IL31RA: variants seen among roughly 807,000 people sequenced by gnomAD.
IL31RA encodes interleukin-31 receptor subunit alpha.
IL31RA carries 66 observed loss-of-function variants against 83.7 expected under a neutral mutation model. That is an observed-to-expected ratio of 0.79 (90% CI 0.65 to 0.97). The LOEUF (loss-of-function observed/expected upper bound fraction) is 0.97. Among genes scored for constraint, IL31RA ranks in the 50% least tolerant of loss-of-function variants. IL31RA has a pLI of 0.00. For missense variants in IL31RA, 798 were observed against 919.4 expected (o/e 0.87, Z 1.71); for synonymous variants, 325 against 329.0 (o/e 0.99, Z 0.13).
intron 1 of IL31RA, 95 bp downstream of exon 1, chr5:55,851,728 C>A: frequency 6.2e-7 from 1 of 1,610,642 alleles, no homozygotes; most frequent in Non-Finnish European, 8.5e-7. Context: ...ATTTTACCTA[C>A]CTAGTGTCTC....
rs909643187 is a variant in IL31RA, at chr5:55,913,767, T to C, written c.1736+197T>C. Among the ~76,000 whole-genome samples, 14 of 152,224 alleles carry C rather than the reference T, an allele frequency of 9.2e-5. No homozygotes were observed. The East Asian group carries it at 1.5e-3, about 17-fold the overall frequency. ...GAATTCTGACCAAGCAAGAGCACTT[T>C]CGTTTCCCAGAGCTCCATGCCCAGG... On this transcript the variant is annotated intron_variant, in intron 13 of 14. Transcript: ENST00000652347.
intron 2 of IL31RA, among the ~76,000 whole-genome samples, chr5:55,861,596 A>G (rs1745691932): frequency 6.6e-6 from 1 of 152,196 alleles, no homozygotes; most frequent in South Asian, 2.1e-4. Context: ...TGGTGCCAAA[A>G]TGTAGGGGAC....
chr5:55,889,988 A>G lies in IL31RA; in HGVS notation c.625A>G (p.Lys209Glu), dbSNP rs181251264. The change falls in exon 6 of 15, where the codon AAG becomes GAG. Residue 209 changes from lysine to glutamate, a missense_variant. Coordinates refer to ENST00000652347, the MANE Select transcript of IL31RA (RefSeq NM_139017.7). ...STSWMEVNFA[K>E]NRKDKNQTYN... is the part of the protein sequence containing the mutation. ...CTTGTAGATGGAAGTCAACTTCGCT[A>G]AGAACCGTAAGGATAAAAACCAAAC... 21 of 1,614,148 alleles carry G rather than the reference A, an allele frequency of 1.3e-5. No individual in the cohort carries two copies. Among genetic ancestry groups the G allele is most frequent in the African/African-American group, 1.2e-4 (9 of 75,060 alleles).
In IL31RA at chr5:55,903,334, A is replaced by T. The variant is rs566747507; in HGVS notation, c.1070-2772A>T. Among the ~76,000 whole-genome samples the T allele has an allele frequency of 6.6e-6, 1 of 152,320 alleles. No individual in the cohort carries two copies. The highest frequency in any genetic ancestry group is 1.9e-4 in the East Asian group (1 of 5,188). On this transcript the variant is annotated intron_variant, in intron 8 of 14. Transcript: ENST00000652347. This position sits in a 1 kb window ranked among gnomAD's most constrained non-coding sequence, Gnocchi z 4.7. The stretch of plus-strand genomic sequence containing the variant: ...GACTGTCTTCATGCAGATCACAAGA[A>T]ATCAATGGCTTTCACAGTCAAAGCC...
chr5:55,914,842 A>G lies in IL31RA; in HGVS notation c.1737-5A>G, dbSNP rs369082467. 10 of 1,606,220 alleles carry G rather than the reference A, an allele frequency of 6.2e-6. No homozygotes were observed. The highest frequency in any genetic ancestry group is 1.3e-5 in the African/African-American group (1 of 74,808). ...TTCCCATCTTAAAATCTTCTCTCTC[A>G]TTAGCAAATTGACTCATCTGTGTTG... is the stretch of plus-strand genomic sequence containing the variant. On this transcript the variant is annotated splice_region_variant and splice_polypyrimidine_tract_variant and intron_variant, in intron 13 of 14. Coordinates refer to ENST00000652347, the MANE Select transcript of IL31RA (RefSeq NM_139017.7).
At chr5:55,896,488 C>T (rs1318388005) in intron 7 of IL31RA, 59 bp downstream of exon 7, 1 of 947,690 alleles carries the variant, frequency 1.1e-6, no homozygotes. Flanking sequence ...CTTTCCCTCC[C>T]TTCCCTCCCT....
At position 55,887,344 on chromosome 5, in the gene IL31RA, C is replaced by T. The variant is rs147499206; in HGVS notation, c.607-2626C>T. Among the ~76,000 whole-genome samples the T allele has an allele frequency of 2.3e-4, 35 of 152,324 alleles. No homozygotes were observed. The East Asian group carries it at 6.4e-3, about 28-fold the overall frequency. ...TGCCATCCATGTGACCTTACCTCAA[C>T]ACCCTCCAGATTCTTTTGTGGCCCT... On this transcript the variant is annotated intron_variant, in intron 5 of 14. Coordinates refer to ENST00000652347, the MANE Select transcript of IL31RA (RefSeq NM_139017.7).
At chr5:55,856,195 C>T (rs1745354013) in intron 1 of IL31RA, among the ~76,000 whole-genome samples, 2 of 152,196 alleles carry the variant, frequency 1.3e-5, no homozygotes, top group South Asian at 4.1e-4. Context: ...CCACGCCTGG[C>T]CAACATCTTT....
In IL31RA at chr5:55,920,553, GT is replaced by G. The variant is rs1485660531; in HGVS notation, c.*3435del. Among the ~76,000 whole-genome samples the G allele has an allele frequency of 2.0e-5, 3 of 152,366 alleles. No individual in the cohort carries two copies. In the East Asian group the frequency reaches 5.8e-4, roughly 29 times the overall value. The stretch of plus-strand genomic sequence containing the variant: ...GGCGGCTTGCCCCTACAAAGGCAGA[GT>G]TGAGTAGTTTCAACACAGAGTTTTT... On this transcript the variant is annotated 3_prime_UTR_variant, in exon 15 of 15. Coordinates refer to ENST00000652347, the MANE Select transcript of IL31RA (RefSeq NM_139017.7).
chr5:55,866,800 T>A (rs1361214586), intron 2 of IL31RA: 3 of 152,374 alleles, frequency 2.0e-5, no homozygotes, highest in African/African-American at 7.2e-5. Context: ...ATTCTTTGCT[T>A]TACCTTCCTT....
At chr5:55,848,253 A>G (rs1229611718), upstream of IL31RA, among the ~76,000 whole-genome samples, 1 of 152,168 alleles carries the variant, frequency 6.6e-6, no homozygotes, top group African/African-American at 2.4e-5. Flanking sequence ...ATCACTTAGA[A>G]TTTTTCTATA....
chr5:55,891,761 A>ATTTTTTTTTTTT lies in IL31RA; in HGVS notation c.772+1647_772+1658dup, dbSNP rs35672011. Among the ~76,000 whole-genome samples the ATTTTTTTTTTTT allele has an allele frequency of 2.7e-3, 164 of 60,028 alleles. 16 individuals are homozygous for ATTTTTTTTTTTT. The highest frequency in any genetic ancestry group is 3.2e-3 in the Non-Finnish European group (110 of 34,712). 39.4% of individuals were successfully genotyped at this position (60,028 alleles called of 152,430 possible). A position where few individuals can be genotyped will look rare whatever the true frequency, so the allele number is the denominator to read the frequency against. ...TACAGGTTCCAGGGATTTGGACAAG[A>ATTTTTTTTTTTT]TTTTTTTTTTTTTTTTTTTTTTTTT... On this transcript the variant is annotated intron_variant, in intron 6 of 14. Coordinates refer to ENST00000652347, the MANE Select transcript of IL31RA (RefSeq NM_139017.7).
chr5:55,846,631 T>C (rs1744932662), upstream of IL31RA, among the ~76,000 whole-genome samples: 1 of 152,026 alleles, frequency 6.6e-6, no homozygotes, highest in African/African-American at 2.4e-5. Flanking sequence ...ACTCCGTCTC[T>C]ACTAAAAATA....
chr5:55,877,047 C>CT (rs1009973603), intron 4 of IL31RA, among the ~76,000 whole-genome samples: 1 of 151,962 alleles, frequency 6.6e-6, no homozygotes, highest in African/African-American at 2.4e-5. Flanking sequence ...TTTTATCCCT[C>CT]TTTTTTTCAT....
intron 7 of IL31RA, among the ~76,000 whole-genome samples, chr5:55,898,678 A>ATAACATATTAATATGTT (rs1748610014): frequency 6.7e-6 from 1 of 148,400 alleles, no homozygotes; most frequent in Non-Finnish European, 1.5e-5. Flanking sequence ...TGTTTTTTAA[A>ATAACATATTAATATGTT]AAGATTTTAA....
chr5:55,849,270 C>G (rs1744999758), upstream of IL31RA, among the ~76,000 whole-genome samples: 1 of 150,564 alleles, frequency 6.6e-6, no homozygotes. Flanking sequence ...GTTTATACTG[C>G]AATTTAATTT....
chr5:55,905,561 T>A (rs994970539), intron 8 of IL31RA, among the ~76,000 whole-genome samples: 1 of 152,238 alleles, frequency 6.6e-6, no homozygotes, highest in Non-Finnish European at 1.5e-5. Context: ...TATTGATCCA[T>A]ACTAGGTAAT....
At chr5:55,890,725 C>A (rs1017880001) in intron 6 of IL31RA, among the ~76,000 whole-genome samples, 15 of 152,094 alleles carry the variant, frequency 9.9e-5, no homozygotes, top group African/African-American at 3.4e-4. Context: ...TATTGTGAAT[C>A]CTGGAGCTAC....
intron 1 of IL31RA, among the ~76,000 whole-genome samples, chr5:55,857,069 G>A (rs889121374): frequency 6.6e-6 from 1 of 150,722 alleles, no homozygotes. Context: ...TTATTTCTAA[G>A]CCCCTGGGAG....
Sources: gnomAD v4.1 joint callset for allele counts (sites outside exome capture counted in the v4.1 genomes callset) on GRCh38, gnomAD v4.1.1 for gene constraint, Gnocchi (gnomAD v3.1) non-coding constraint, MANE v1.5 for transcripts, NCBI Gene and HGNC (gene_info 2026-07-23, HGNC 2026-07-21) for gene names.